DNAH14: variants seen among roughly 807,000 people sequenced by gnomAD.
DNAH14 encodes dynein axonemal heavy chain 14, also known as axonemal beta dynein heavy chain 14.
In DNAH14, 478 loss-of-function variants were observed where a neutral mutation model predicts 520.9. That is an observed-to-expected ratio of 0.92 (90% confidence interval 0.85 to 0.99). DNAH14 has a LOEUF of 0.99. Ranked by LOEUF, DNAH14 falls within the 50% of genes least tolerant of loss-of-function variation. DNAH14 has a pLI of 0.00. For synonymous variants in DNAH14, 1,581 were observed against 1,757.2 expected (o/e 0.90, Z 2.51); for missense variants, 4,831 against 5,234.5 (o/e 0.92, Z 2.38).
chr1:225,258,991 A>G (rs2092835230), intron 45 of DNAH14, 130 bp from the exon 46 acceptor site: 2 of 956,728 alleles, frequency 2.1e-6, no homozygotes, highest in East Asian at 6.2e-5. Flanking sequence ...CATTTTTTTA[A>G]AAGGGAAGAA....
chr1:225,322,855 A>G (rs1340309999), intron 62 of DNAH14, 32 bp downstream of exon 62: 1 of 1,513,822 alleles, frequency 6.6e-7, no homozygotes, highest in African/African-American at 1.4e-5. Context: ...GATGCATCTC[A>G]TATTTACAGT....
rs1018444449 is a variant in DNAH14 at position 225,354,035 on chromosome 1, C to T, written c.11619+147C>T. ...CGTTAATAGGAGAGGGAAGCACCTA[C>T]GCCTCCCCTTAATGCTTCTTTCATG... On this transcript the variant is annotated intron_variant, in intron 73 of 85. Coordinates refer to ENST00000682510, the MANE Select transcript of DNAH14 (RefSeq NM_001367479.1). The T allele has an allele frequency of 2.3e-5, 15 of 665,924 alleles. 1 individual carries two copies. Among genetic ancestry groups the T allele is most frequent in the African/African-American group, 3.6e-5 (2 of 55,352 alleles). 41.3% of individuals were successfully genotyped at this position (665,924 alleles called of 1,614,324 possible).
intron 54 of DNAH14, among the ~76,000 whole-genome samples, chr1:225,284,258 G>C (rs1208875591): frequency 2.6e-5 from 4 of 151,656 alleles, no homozygotes; most frequent in African/African-American, 9.7e-5. Context: ...TTGCTAGACT[G>C]ACCAAGAAAA....
At chr1:224,946,232 T>G (rs1037866733) in intron 1 of DNAH14, among the ~76,000 whole-genome samples, 1 of 152,182 alleles carries the variant, frequency 6.6e-6, no homozygotes, top group African/African-American at 2.4e-5. Flanking sequence ...CCTTGCCCTT[T>G]GATCTCAGAC....
chr1:225,011,145 T>C (rs1005651887), intron 10 of DNAH14, among the ~76,000 whole-genome samples: 4 of 152,182 alleles, frequency 2.6e-5, no homozygotes, highest in Non-Finnish European at 5.9e-5. Flanking sequence ...TGCTAACTTT[T>C]GAACTTGTTT....
At chr1:225,002,066 G>C (rs1324064310) in intron 8 of DNAH14, among the ~76,000 whole-genome samples, 1 of 152,086 alleles carries the variant, frequency 6.6e-6, no homozygotes, top group Admixed American at 6.6e-5. Context: ...TATATTTTCT[G>C]TATATTATGA....
chr1:225,388,390 C>G lies in DNAH14; in HGVS notation c.13089C>G (p.Tyr4363Ter). 1 of 1,518,734 alleles carries G rather than the reference C, an allele frequency of 6.6e-7. No homozygotes were observed. The highest frequency in any genetic ancestry group is 8.9e-7 in the Non-Finnish European group (1 of 1,121,326). The allele number at this position is 1,518,734 out of a possible 1,614,324, so 94.1% of individuals were successfully genotyped here. A position where few individuals can be genotyped will look rare whatever the true frequency, so the allele number is the denominator to read the frequency against. ...TTAAATCCCAACAGAAACACGCCTA[C>G]AGATCTTGTAAGCCACTGAGTTCCT... ...RVPTLWQKHA[Y>*]RSCKPLSSWI... Residue 4363 changes from tyrosine to a stop codon, truncating the protein, a stop_gained, in exon 82 of 86, where the codon TAC becomes TAG. Coordinates refer to ENST00000682510, the MANE Select transcript of DNAH14 (RefSeq NM_001367479.1). LOFTEE classifies it high-confidence loss of function.
intron 75 of DNAH14, among the ~76,000 whole-genome samples, chr1:225,363,874 G>A (rs921882571): frequency 1.3e-5 from 2 of 152,198 alleles, no homozygotes; most frequent in African/African-American, 2.4e-5. Flanking sequence ...TACAGATGCA[G>A]ACATTGTAGG....
chr1:225,376,336 A>G (rs1407500220), intron 78 of DNAH14, among the ~76,000 whole-genome samples: 1 of 152,194 alleles, frequency 6.6e-6, no homozygotes, highest in Non-Finnish European at 1.5e-5. Flanking sequence ...CTGAGGCATG[A>G]GAATCACTTG....
Position 225,014,739 on chromosome 1 carries a change from C to T in DNAH14, c.1107+7195C>T, listed in dbSNP as rs570738161. On this transcript the variant is annotated intron_variant, in intron 10 of 85. Coordinates refer to ENST00000682510, the MANE Select transcript of DNAH14 (RefSeq NM_001367479.1). ...AATATGGTCAATCATGGAGAATGTT[C>T]CATGTGCTGATGAAAATAATGTGTA... Among the ~76,000 whole-genome samples, 8 of 152,226 alleles carry T rather than the reference C, an allele frequency of 5.3e-5. No individual in the cohort carries two copies. In the East Asian group the frequency reaches 1.4e-3, roughly 26 times the overall value.
intron 52 of DNAH14, among the ~76,000 whole-genome samples, chr1:225,274,197 A>AT (rs869247051): frequency 0.045 from 4,207 of 92,768 alleles, 157 homozygotes; most frequent in East Asian, 0.059. Context: ...AGCATCTGTT[A>AT]TTTTTTTTTT....
At chr1:225,298,439 T>A (rs139166989) in intron 55 of DNAH14, among the ~76,000 whole-genome samples, 1 of 152,326 alleles carries the variant, frequency 6.6e-6, no homozygotes, top group Non-Finnish European at 1.5e-5. Context: ...TCACCCTAAA[T>A]GGGACTGCCA....
At chr1:224,950,061 A>G (rs746584835) in intron 1 of DNAH14, among the ~76,000 whole-genome samples, 7 of 151,966 alleles carry the variant, frequency 4.6e-5, no homozygotes, top group Non-Finnish European at 1.0e-4. Flanking sequence ...CCTACATTCC[A>G]TCTACCTCCC....
At chr1:225,282,145 G>A (rs1184863867) in intron 54 of DNAH14, among the ~76,000 whole-genome samples, 2 of 152,158 alleles carry the variant, frequency 1.3e-5, no homozygotes, top group East Asian at 1.9e-4. Context: ...CAAGGAAAAG[G>A]GATAGTTTAA....
At chr1:225,297,343 T>C (rs1324950484) in intron 55 of DNAH14, among the ~76,000 whole-genome samples, 1 of 152,128 alleles carries the variant, frequency 6.6e-6, no homozygotes, top group Admixed American at 6.6e-5. Flanking sequence ...CTTTTACATT[T>C]TTTTTCTGTC....
chr1:225,389,735 T>A lies in DNAH14; in HGVS notation c.13192T>A (p.Tyr4398Asn), dbSNP rs2095881795. ...KVAYTAIQRRYMRFVTVWKQS... is the reference protein window; with the variant it reads ...KVAYTAIQRRNMRFVTVWKQS... ...AACCTGTGGTCTGCCTTCCACTAGGTATATGAGATTTGTCACAGTTTGGAA... is the reference window on the plus strand; with the variant it reads ...AACCTGTGGTCTGCCTTCCACTAGGAATATGAGATTTGTCACAGTTTGGAA... The change falls in exon 83 of 86, where the codon TAT (tyrosine) becomes AAT (asparagine). Residue 4398 changes from tyrosine (Y) to asparagine (N), a missense_variant and splice_region_variant. Physicochemically the swap from Tyr to Asn is moderately radical, Grantham distance 143. Coordinates refer to ENST00000682510, the MANE Select transcript of DNAH14 (RefSeq NM_001367479.1). The A allele has an allele frequency of 6.4e-7, 1 of 1,552,134 alleles. No homozygotes were observed. Among genetic ancestry groups the A allele is most frequent in the African/African-American group, 1.4e-5 (1 of 73,158 alleles).
At chr1:225,385,833 C>G (rs1452390642) in intron 81 of DNAH14, among the ~76,000 whole-genome samples, 2 of 152,076 alleles carry the variant, frequency 1.3e-5, no homozygotes, top group Non-Finnish European at 2.9e-5. Flanking sequence ...CAATACCATC[C>G]CCATCAAGCT....
At chr1:225,233,203 A>G (rs575142320) in intron 42 of DNAH14, among the ~76,000 whole-genome samples, 26 of 152,292 alleles carry the variant, frequency 1.7e-4, no homozygotes, top group Admixed American at 1.0e-3. Flanking sequence ...TATCCAGTCT[A>G]TCATTGATGG....
chr1:225,252,479 A>G, intron 44 of DNAH14, 62 bp downstream of exon 44: 1 of 911,032 alleles, frequency 1.1e-6, no homozygotes, highest in Non-Finnish European at 1.7e-6. Context: ...TCTATTCATA[A>G]AAGTAATTAT....
Sources: allele counts gnomAD v4.1 joint callset (sites outside exome capture counted in the v4.1 genomes callset), GRCh38; gene constraint gnomAD v4.1.1; transcripts MANE v1.5; gene names NCBI Gene and HGNC (gene_info 2026-07-23, HGNC 2026-07-21).